Variants in KCNT2 observed in about 807,000 individuals in gnomAD.
KCNT2 encodes potassium channel subfamily T member 2.
KCNT2 carries 67 observed loss-of-function variants against 153.8 expected under a neutral mutation model. The ratio of observed to expected loss-of-function variants is 0.44; its 90% CI spans 0.36 to 0.53. The LOEUF (loss-of-function observed/expected upper bound fraction) is 0.53. KCNT2 is among the 20% of genes least tolerant of loss of function. KCNT2 has a pLI of 0.00. For missense variants in KCNT2, 975 were observed against 1,354.8 expected (o/e 0.72, Z 4.40); for synonymous variants, 500 against 458.8 (o/e 1.09, Z -1.15).
At chr1:196,343,265 G>A (rs1032667477) in intron 14 of KCNT2, among the ~76,000 whole-genome samples, 11 of 152,204 alleles carry the variant, frequency 7.2e-5, no homozygotes, top group Admixed American at 5.9e-4. Context: ...GTTCTGGAAC[G>A]TTCTGCGCTG....
intron 1 of KCNT2, among the ~76,000 whole-genome samples, chr1:196,546,782 A>G (rs576615323): frequency 6.6e-6 from 1 of 152,196 alleles, no homozygotes; most frequent in South Asian, 2.1e-4. Context: ...CATTGAAGAT[A>G]TTATTGAAGA....
chr1:196,598,331 GTCAA>G (rs1440595591), intron 1 of KCNT2, among the ~76,000 whole-genome samples: 1 of 151,978 alleles, frequency 6.6e-6, no homozygotes, highest in East Asian at 1.9e-4. Flanking sequence ...CCCTATTTCA[GTCAA>G]TCAATCAATA....
chr1:196,361,289 T>C (rs1204217171), intron 14 of KCNT2, among the ~76,000 whole-genome samples: 2 of 152,116 alleles, frequency 1.3e-5, no homozygotes, highest in African/African-American at 2.4e-5. Flanking sequence ...AGATAGTGTC[T>C]GTATATATCT....
intron 21 of KCNT2, among the ~76,000 whole-genome samples, chr1:196,313,229 G>C (rs1662364673): frequency 6.6e-6 from 1 of 151,622 alleles, no homozygotes; most frequent in Non-Finnish European, 1.5e-5. Flanking sequence ...GGACTATTAA[G>C]AGTTGAGAAT....
At chr1:196,356,709 T>C (rs1443354874) in intron 14 of KCNT2, among the ~76,000 whole-genome samples, 1 of 151,918 alleles carries the variant, frequency 6.6e-6, no homozygotes, top group African/African-American at 2.4e-5. Context: ...CATATTGCTA[T>C]TTTTAATTTC....
intron 1 of KCNT2, among the ~76,000 whole-genome samples, chr1:196,577,395 A>G (rs1006109871): frequency 6.6e-6 from 1 of 152,206 alleles, no homozygotes; most frequent in African/African-American, 2.4e-5. Flanking sequence ...GGAAAAACAG[A>G]TGAAGCCTGA....
At chr1:196,420,978 T>C (rs564794650) in intron 12 of KCNT2, among the ~76,000 whole-genome samples, 24 of 152,188 alleles carry the variant, frequency 1.6e-4, no homozygotes, top group African/African-American at 5.5e-4. Flanking sequence ...TTCATGTATT[T>C]AGTCATACAT....
chr1:196,410,698 G>C (rs184084499), intron 12 of KCNT2, among the ~76,000 whole-genome samples: 14 of 126,376 alleles, frequency 1.1e-4, no homozygotes, highest in Admixed American at 2.7e-4. Context: ...AATAAAATCT[G>C]TGCTCAGTGC....
Position 196,608,406 on chromosome 1 carries a change from CGCT to C in KCNT2, c.-100_-98del. ...GAGTACAGGGAGAGGACTAACAAGA[CGCT>C]GTGGCCGAGAGAGGGATGGGAGAAG... On this transcript the variant is annotated 5_prime_UTR_variant, in exon 1 of 28. Transcript: ENST00000294725. 1 of 910,418 alleles carries C rather than the reference CGCT, an allele frequency of 1.1e-6. No homozygotes were observed. The highest frequency in any genetic ancestry group is 2.5e-5 in the East Asian group (1 of 39,250). 56.4% of individuals were successfully genotyped at this position (910,418 alleles called of 1,614,324 possible). A position where few individuals can be genotyped will look rare whatever the true frequency, so the allele number is the denominator to read the frequency against.
chr1:196,456,460 A>G (rs1316651902), intron 8 of KCNT2, among the ~76,000 whole-genome samples: 2 of 151,834 alleles, frequency 1.3e-5, no homozygotes, highest in African/African-American at 4.8e-5. Context: ...ATTATATTTT[A>G]CTTCTATATA....
intron 22 of KCNT2, among the ~76,000 whole-genome samples, chr1:196,302,032 G>A (rs146253294): frequency 2.0e-4 from 30 of 152,196 alleles, no homozygotes; most frequent in African/African-American, 6.7e-4. Context: ...GAACCACCAC[G>A]CCCAGCTGTG....
chr1:196,566,286 G>A (rs17699886), intron 1 of KCNT2, among the ~76,000 whole-genome samples: 2,419 of 151,996 alleles, frequency 0.016, 23 homozygotes, highest in Non-Finnish European at 0.026. Flanking sequence ...AGCAGCAAAG[G>A]GCACAGTGAC....
At chr1:196,392,295 G>A (rs1338311153) in intron 13 of KCNT2, among the ~76,000 whole-genome samples, 1 of 150,990 alleles carries the variant, frequency 6.6e-6, no homozygotes, top group Non-Finnish European at 1.5e-5. Flanking sequence ...AGACAGTGCT[G>A]GGCTTGAACA....
intron 22 of KCNT2, among the ~76,000 whole-genome samples, chr1:196,286,601 A>G (rs951950933): frequency 6.6e-6 from 1 of 150,712 alleles, no homozygotes; most frequent in Non-Finnish European, 1.5e-5. Context: ...TCAGTTTGCA[A>G]CTAATCTTCT....
intron 8 of KCNT2, among the ~76,000 whole-genome samples, chr1:196,430,269 G>A (rs143426708): frequency 6.6e-6 from 1 of 151,924 alleles, no homozygotes; most frequent in African/African-American, 2.4e-5. Context: ...AATTGCCATT[G>A]TACCACACTA....
At chr1:196,259,052 T>G (rs914982799) in intron 25 of KCNT2, among the ~76,000 whole-genome samples, 1 of 152,168 alleles carries the variant, frequency 6.6e-6, no homozygotes, top group Non-Finnish European at 1.5e-5. Flanking sequence ...CAAAACTCAC[T>G]TTTTAACTCA....
chr1:196,504,331 G>T (rs1009990665), intron 1 of KCNT2, among the ~76,000 whole-genome samples: 4 of 149,454 alleles, frequency 2.7e-5, no homozygotes, highest in African/African-American at 9.9e-5. Flanking sequence ...GAGAACATGC[G>T]GTGTTTGGTT....
intron 15 of KCNT2, 60 bp from the exon 16 acceptor site, chr1:196,340,630 A>G (rs1263461113): frequency 2.0e-6 from 2 of 1,004,254 alleles, no homozygotes; most frequent in African/African-American, 1.6e-5. Context: ...AAGGCTGAGG[A>G]AAATAAAAGC....
intron 8 of KCNT2, among the ~76,000 whole-genome samples, chr1:196,464,151 G>A (rs185526557): frequency 3.6e-3 from 547 of 151,756 alleles, no homozygotes; most frequent in African/African-American, 0.013. Context: ...TTATTATATT[G>A]AAATCCAGAA....
Sources: allele counts gnomAD v4.1 joint callset (sites outside exome capture counted in the v4.1 genomes callset), GRCh38; gene constraint gnomAD v4.1.1; transcripts MANE v1.5; gene names NCBI Gene and HGNC (gene_info 2026-07-23, HGNC 2026-07-21).